Variants in ANO3 observed in about 807,000 individuals in gnomAD.
ANO3 encodes anoctamin-3.
A neutral mutation model predicts 144.8 loss-of-function variants in ANO3; 99 were observed. That is an observed-to-expected ratio of 0.68 (90% CI 0.58 to 0.81). The LOEUF (loss-of-function observed/expected upper bound fraction) is 0.81, where lower values mean the gene tolerates loss of function less well. Ranked by LOEUF, ANO3 falls within the 30% of genes least tolerant of loss-of-function variation. The pLI is 0.00. For missense variants in ANO3, 905 were observed against 1,202.2 expected, an observed-to-expected ratio of 0.75 and a Z score of 3.66; for synonymous variants, 414 against 392.6, an observed-to-expected ratio of 1.05 and a Z score of -0.64.
chr11:26,404,933 ATGTGTGTGTGTGTGTGTGTGTG>A (rs56103536), intron 1 of ANO3, among the ~76,000 whole-genome samples: 6 of 146,276 alleles, frequency 4.1e-5, no homozygotes, highest in African/African-American at 7.7e-5. Flanking sequence ...ATTTATATAT[ATGTGTGTGTGTGTGTGTGTGTG>A]TGTGTGTGTG....
chr11:26,397,902 T>A (rs1857057372), intron 1 of ANO3, among the ~76,000 whole-genome samples: 1 of 151,250 alleles, frequency 6.6e-6, no homozygotes, highest in Admixed American at 6.6e-5. Flanking sequence ...TCTTGTGGAG[T>A]GTGACACATT....
intron 1 of ANO3, among the ~76,000 whole-genome samples, chr11:26,210,493 A>G (rs550979037): frequency 4.1e-4 from 63 of 152,302 alleles, no homozygotes; most frequent in African/African-American, 1.5e-3. Flanking sequence ...TATAAAATTT[A>G]AAGTAGCTTT....
intron 14 of ANO3, chr11:26,561,031 A>C: frequency 6.3e-7 from 1 of 1,586,856 alleles, no homozygotes; most frequent in Non-Finnish European, 8.6e-7. Context: ...GATGTAGATG[A>C]CACTTGCTGT....
chr11:26,509,101 C>A (rs1707949950), intron 5 of ANO3, among the ~76,000 whole-genome samples: 1 of 108,954 alleles, frequency 9.2e-6, no homozygotes, highest in East Asian at 3.3e-4. Context: ...CTATCTCTCT[C>A]TCTCTATATA....
At chr11:26,431,878 G>A (rs1858104347) in intron 1 of ANO3, among the ~76,000 whole-genome samples, 1 of 152,130 alleles carries the variant, frequency 6.6e-6, no homozygotes, top group African/African-American at 2.4e-5. Flanking sequence ...ACGTGCATGT[G>A]TCTTTATGGT....
intron 13 of ANO3, among the ~76,000 whole-genome samples, chr11:26,557,998 T>C (rs10501054): frequency 0.52 from 79,130 of 152,006 alleles, 21,091 homozygotes; most frequent in East Asian, 0.67. Context: ...TCCTTCTAGC[T>C]TTATCTCCCA....
chr11:26,485,511 A>C (rs1860411244), intron 4 of ANO3, among the ~76,000 whole-genome samples: 1 of 152,204 alleles, frequency 6.6e-6, no homozygotes, highest in African/African-American at 2.4e-5. Flanking sequence ...TACAGCCTGC[A>C]GAACTGTGAA....
chr11:26,602,680 G>A (rs549551323), intron 17 of ANO3, among the ~76,000 whole-genome samples: 1 of 150,324 alleles, frequency 6.7e-6, no homozygotes, highest in South Asian at 2.1e-4. Context: ...TGAGACCAGA[G>A]GCCAAAGCTA....
chr11:26,207,023 G>A (rs1416121569), intron 1 of ANO3, among the ~76,000 whole-genome samples: 1 of 152,044 alleles, frequency 6.6e-6, no homozygotes, highest in Non-Finnish European at 1.5e-5. Flanking sequence ...AGAGCAGGGT[G>A]GTGGTTTCCA....
intron 1 of ANO3, among the ~76,000 whole-genome samples, chr11:26,438,096 A>G (rs146814180): frequency 3.9e-5 from 6 of 152,328 alleles, no homozygotes; most frequent in Admixed American, 3.9e-4. Flanking sequence ...AAATATTTAT[A>G]CCTCAGTGCT....
intron 14 of ANO3, chr11:26,565,245 TGA>T: frequency 6.4e-7 from 1 of 1,551,656 alleles, no homozygotes; most frequent in Admixed American, 2.0e-5. Flanking sequence ...TGTTTTTTCT[TGA>T]TAAGGGGTAA....
intron 17 of ANO3, among the ~76,000 whole-genome samples, chr11:26,605,970 T>A (rs142081337): frequency 0.44 from 67,087 of 151,554 alleles, 15,652 homozygotes; most frequent in East Asian, 0.68. Flanking sequence ...ATTTCTTGCC[T>A]TCTGCTAGCT....
At chr11:26,497,765 CATG>C (rs1452305616) in intron 4 of ANO3, among the ~76,000 whole-genome samples, 2 of 151,966 alleles carry the variant, frequency 1.3e-5, no homozygotes, top group Non-Finnish European at 2.9e-5. Flanking sequence ...AAATCATGTT[CATG>C]ATTTTTTCAA....
chr11:26,232,406 C>A (rs1474226996), intron 1 of ANO3, among the ~76,000 whole-genome samples: 6 of 151,068 alleles, frequency 4.0e-5, no homozygotes, highest in African/African-American at 1.5e-4. Flanking sequence ...CTGGTTACAT[C>A]ATAGGGGACC....
chr11:26,581,353 G>C (rs1488960100), intron 14 of ANO3, among the ~76,000 whole-genome samples: 1 of 144,172 alleles, frequency 6.9e-6, no homozygotes, highest in Non-Finnish European at 1.5e-5. Flanking sequence ...ACATACATAA[G>C]TTTAGGATTA....
intron 17 of ANO3, among the ~76,000 whole-genome samples, chr11:26,614,583 G>C (rs1433147948): frequency 6.6e-6 from 1 of 152,168 alleles, no homozygotes; most frequent in Non-Finnish European, 1.5e-5. Flanking sequence ...CTTACAATGA[G>C]GCAATGGAGT....
intron 1 of ANO3, among the ~76,000 whole-genome samples, chr11:26,223,185 A>T (rs975418180): frequency 1.3e-5 from 2 of 152,076 alleles, no homozygotes; most frequent in Admixed American, 6.6e-5. Flanking sequence ...GCCATGCAAC[A>T]TCTTGAATTC....
chr11:26,461,128 G>A (rs773947067), intron 3 of ANO3, among the ~76,000 whole-genome samples: 3 of 152,058 alleles, frequency 2.0e-5, no homozygotes, highest in South Asian at 2.1e-4. Flanking sequence ...GAGCGAGCGC[G>A]AGAGTGCCTA....
At chr11:26,589,285 G>A (rs1323951818) in intron 14 of ANO3, among the ~76,000 whole-genome samples, 3 of 152,130 alleles carry the variant, frequency 2.0e-5, no homozygotes, top group Admixed American at 2.0e-4. Context: ...ATGTGAGAGA[G>A]GGCTTTGTAA....
Sources: allele counts gnomAD v4.1 joint callset (sites outside exome capture counted in the v4.1 genomes callset), GRCh38; gene constraint gnomAD v4.1.1; transcripts MANE v1.5; gene names NCBI Gene and HGNC (gene_info 2026-07-23, HGNC 2026-07-21).